Variants in SNX25 observed in about 807,000 individuals in gnomAD.
The protein encoded by SNX25 is sorting nexin 25, also known as sorting nexin-25.
A neutral mutation model predicts 113.7 loss-of-function variants in SNX25; 62 were observed. The observed-to-expected ratio is 0.55, with a 90% CI of 0.44 to 0.67. The LOEUF is 0.67. SNX25 is among the 30% of genes least tolerant of loss of function. SNX25 has a pLI of 0.00. For missense variants in SNX25, 1,014 were observed against 1,161.0 expected (o/e 0.87, Z 1.84); for synonymous variants, 421 against 436.2 (o/e 0.97, Z 0.43).
intron 2 of SNX25, among the ~76,000 whole-genome samples, chr4:185,257,507 T>C (rs1338757051): frequency 2.0e-5 from 3 of 152,070 alleles, no homozygotes; most frequent in African/African-American, 7.2e-5. Flanking sequence ...CAGAGCTTAG[T>C]ACGAAAAAAA....
rs1747774561 is a variant in SNX25 at position 185,264,482 on chromosome 4, G to A, written c.776G>A (p.Arg259Lys). ...CCTTTTGTGTTGCACGCATGCTTGA[G>A]GAACTCAGATGATGAAGTAAGATTT... is the stretch of plus-strand genomic sequence containing the variant. ...PRPFVLHACL[R>K]NSDDEVRFLQ... Residue 259 changes from arginine (R) to lysine (K), a missense_variant, in exon 4 of 19, where the codon AGG (arginine) becomes AAG (lysine). Coordinates refer to ENST00000652585, the MANE Select transcript of SNX25 (RefSeq NM_001378034.2). 3 of 1,613,786 alleles carry A rather than the reference G, an allele frequency of 1.9e-6. No homozygotes were observed. The highest frequency in any genetic ancestry group is 2.5e-6 in the Non-Finnish European group (3 of 1,179,950).
intron 1 of SNX25, among the ~76,000 whole-genome samples, chr4:185,244,488 C>A (rs903969974): frequency 6.6e-6 from 1 of 152,102 alleles, no homozygotes; most frequent in Non-Finnish European, 1.5e-5. Flanking sequence ...GTTTTAAAAG[C>A]AGTAGAATTT....
At chr4:185,377,161 A>C in the SNX25 span, 2 of 652,654 alleles carry the variant, frequency 3.1e-6, no homozygotes, top group Non-Finnish European at 5.4e-6. Flanking sequence ...TCCTTAGCTC[A>C]AGGAAGAAAT....
At chr4:185,276,641 G>A (rs993126970) in intron 5 of SNX25, among the ~76,000 whole-genome samples, 1 of 152,158 alleles carries the variant, frequency 6.6e-6, no homozygotes, top group Non-Finnish European at 1.5e-5. Context: ...TTGAGCAACA[G>A]CCTGGGCAAC....
At chr4:185,360,012 G>A (rs947251640) in intron 16 of SNX25, among the ~76,000 whole-genome samples, 6 of 152,178 alleles carry the variant, frequency 3.9e-5, no homozygotes, top group Admixed American at 6.5e-5. Flanking sequence ...AGCACAGTGC[G>A]TGTCTCTTGC....
chr4:185,300,995 G>A (rs759515059), intron 6 of SNX25, among the ~76,000 whole-genome samples: 10 of 152,022 alleles, frequency 6.6e-5, no homozygotes, highest in Non-Finnish European at 1.0e-4. Flanking sequence ...CTCCCTCTCT[G>A]ACCTTTTCCT....
chr4:185,210,616 C>T lies in SNX25; in HGVS notation c.429+361C>T, dbSNP rs1737618633. 6.6e-6 allele frequency among the ~76,000 whole-genome samples: 1 copy of T among 152,038 alleles called. No homozygotes were observed. The highest frequency in any genetic ancestry group is 1.5e-5 in the Non-Finnish European group (1 of 68,026). ...TCACAGCGTTCGCTACGTGCAGGCTCTGCGCACGGTCCTGGCGATCCGCTT... is the reference window on the plus strand; with the variant it reads ...TCACAGCGTTCGCTACGTGCAGGCTTTGCGCACGGTCCTGGCGATCCGCTT... On this transcript the variant is annotated intron_variant, in intron 1 of 18. Coordinates refer to ENST00000652585, the MANE Select transcript of SNX25 (RefSeq NM_001378034.2). The surrounding 1 kb of genome is among the most constrained non-coding windows in gnomAD (Gnocchi z 4.4).
upstream of SNX25, chr4:185,209,199 G>A (rs918225087): frequency 6.6e-6 from 1 of 152,326 alleles, no homozygotes; most frequent in East Asian, 1.9e-4. The surrounding 1 kb of genome is among the most constrained non-coding windows in gnomAD (Gnocchi z 5.2). Flanking sequence ...ACTGTGACAG[G>A]GAGTCTCGGG....
chr4:185,275,024 T>A (rs530000071), intron 5 of SNX25, among the ~76,000 whole-genome samples: 3 of 152,194 alleles, frequency 2.0e-5, no homozygotes, highest in Middle Eastern at 3.2e-3. Context: ...CTTTACTGTT[T>A]GTGAGTCTCG....
intron 5 of SNX25, among the ~76,000 whole-genome samples, chr4:185,270,318 T>C (rs931554654): frequency 1.3e-5 from 2 of 152,250 alleles, no homozygotes; most frequent in African/African-American, 4.8e-5. Context: ...TCTGATTTTA[T>C]GTTTTTCCTT....
At position 185,363,373 on chromosome 4, in the gene SNX25, T is replaced by C; in HGVS notation, c.2935-12T>C. The C allele has an allele frequency of 1.2e-6, 2 of 1,613,790 alleles. No homozygotes were observed. The highest frequency in any genetic ancestry group is 1.7e-6 in the Non-Finnish European group (2 of 1,179,822). On this transcript the variant is annotated splice_polypyrimidine_tract_variant and intron_variant, in intron 18 of 18. Transcript: ENST00000652585. The surrounding 1 kb of genome is among the most constrained non-coding windows in gnomAD (Gnocchi z 4.2). ...AACATTTTTCCACTTTTTTCCTTCT[T>C]TGTTGGTTCAGGCGCTGATGGAACT...
chr4:185,259,096 T>C, intron 3 of SNX25, 32 bp downstream of exon 3: 1 of 1,582,016 alleles, frequency 6.3e-7, no homozygotes, highest in Non-Finnish European at 8.6e-7. Context: ...CCCCCTTTTT[T>C]GCATTAATTT....
chr4:185,216,149 A>C (rs1738771865), intron 1 of SNX25, among the ~76,000 whole-genome samples: 1 of 152,172 alleles, frequency 6.6e-6, no homozygotes, highest in Non-Finnish European at 1.5e-5. Context: ...CAATCATATG[A>C]TTTTAAAAAA....
intron 1 of SNX25, among the ~76,000 whole-genome samples, chr4:185,242,141 G>A (rs3112914): frequency 0.099 from 15,100 of 152,104 alleles, 816 homozygotes; most frequent in African/African-American, 0.13. Context: ...TATTAAATCC[G>A]TAAAAAGGAA....
At chr4:185,327,412 A>G (rs941568746) in intron 9 of SNX25, among the ~76,000 whole-genome samples, 1 of 152,230 alleles carries the variant, frequency 6.6e-6, no homozygotes, top group African/African-American at 2.4e-5. Context: ...TCCCTTTTAT[A>G]AAATTTTTCA....
chr4:185,208,945 C>A (rs1480467193), upstream of SNX25, among the ~76,000 whole-genome samples: 4 of 152,178 alleles, frequency 2.6e-5, no homozygotes, highest in Non-Finnish European at 5.9e-5. Context: ...ATTTGGACCA[C>A]GTTCCTTTGC....
chr4:185,330,964 G>A (rs765438566), intron 9 of SNX25, among the ~76,000 whole-genome samples: 1 of 152,136 alleles, frequency 6.6e-6, no homozygotes, highest in Non-Finnish European at 1.5e-5. Context: ...CGTAAAAGAG[G>A]TTATTCAAAT....
At chr4:185,292,172 G>T (rs1472464713) in intron 6 of SNX25, among the ~76,000 whole-genome samples, 1 of 152,148 alleles carries the variant, frequency 6.6e-6, no homozygotes, top group East Asian at 1.9e-4. Context: ...AACTGTATAG[G>T]TAGTTCCAGC....
At chr4:185,279,984 G>C (rs769295472) in intron 5 of SNX25, among the ~76,000 whole-genome samples, 1 of 151,916 alleles carries the variant, frequency 6.6e-6, no homozygotes, top group African/African-American at 2.4e-5. Flanking sequence ...GCAGTGGCGC[G>C]ATCACAGCTC....
Sources: allele counts gnomAD v4.1 joint callset (sites outside exome capture counted in the v4.1 genomes callset), GRCh38; gene constraint gnomAD v4.1.1; non-coding constraint Gnocchi (gnomAD v3.1); transcripts MANE v1.5; gene names NCBI Gene and HGNC (gene_info 2026-07-23, HGNC 2026-07-21).